The following DAB1 variants were observed in gnomAD, a reference collection of about 807,000 sequenced individuals.
DAB1 encodes DAB adaptor protein 1.
DAB1 carries 15 observed loss-of-function variants against 64.6 expected under a neutral mutation model. That is an observed-to-expected ratio of 0.23 (90% CI 0.16 to 0.36). The LOEUF (loss-of-function observed/expected upper bound fraction) is 0.36. Ranked by LOEUF, DAB1 falls within the 10% of genes least tolerant of loss-of-function variation. The probability of loss-of-function intolerance (pLI) is 1.00; values close to 1 mark genes in which losing one functional copy is unlikely to be tolerated. For synonymous variants in DAB1, 235 were observed against 251.9 expected (o/e 0.93, Z 0.64); for missense variants, 596 against 706.7 (o/e 0.84, Z 1.78).
chr1:58,329,203 T>C (rs760627407), intron 4 of DAB1, among the ~76,000 whole-genome samples: 1 of 152,240 alleles, frequency 6.6e-6, no homozygotes, highest in Non-Finnish European at 1.5e-5. Flanking sequence ...ATCTCAACAC[T>C]ACTAATAACC....
chr1:57,498,106 C>T (rs1644250468), intron 7 of DAB1, among the ~76,000 whole-genome samples: 1 of 152,168 alleles, frequency 6.6e-6, no homozygotes, highest in African/African-American at 2.4e-5. Flanking sequence ...TCAAGTATAA[C>T]TCAGATTCTT....
intron 4 of DAB1, among the ~76,000 whole-genome samples, chr1:58,297,382 TGCCCTCGAAGA>T (rs571146311): frequency 2.0e-5 from 3 of 152,204 alleles, no homozygotes; most frequent in Non-Finnish European, 4.4e-5. Flanking sequence ...AAATATCCCC[TGCCCTCGAAGA>T]GCCCATGGTC....
intron 9 of DAB1, among the ~76,000 whole-genome samples, chr1:57,055,981 TCATTTAGTCTTTACA>T (rs1393131644): frequency 1.3e-5 from 2 of 152,180 alleles, no homozygotes; most frequent in African/African-American, 2.4e-5. Context: ...ATACTTTAGC[TCATTTAGTCTTTACA>T]CATTTAGTCT....
intron 1 of DAB1, chr1:58,541,614 C>CAAAAAAAAAAAAAAACAAAAAA (rs1646617391): frequency 1.5e-5 from 1 of 65,622 alleles, no homozygotes; most frequent in Admixed American, 2.3e-4. Flanking sequence ...GAGAACCTGT[C>CAAAAAAAAAAAAAAACAAAAAA]AAAAAAAAAA....
At chr1:57,521,219 C>T (rs1041743776) in intron 7 of DAB1, among the ~76,000 whole-genome samples, 6 of 152,144 alleles carry the variant, frequency 3.9e-5, no homozygotes, top group Admixed American at 1.3e-4. Flanking sequence ...TTTCAGTTCT[C>T]GAAATGTCTA....
chr1:57,504,207 G>A (rs1317206204), intron 7 of DAB1, among the ~76,000 whole-genome samples: 1 of 151,454 alleles, frequency 6.6e-6, no homozygotes, highest in Non-Finnish European at 1.5e-5. Flanking sequence ...TGTCCTTAAA[G>A]TAAAGGGAAA....
chr1:58,103,484 G>A (rs1313403383), intron 5 of DAB1, among the ~76,000 whole-genome samples: 2 of 152,060 alleles, frequency 1.3e-5, no homozygotes, highest in Non-Finnish European at 2.9e-5. Context: ...GAAGTCTACT[G>A]AAAACAAAAT....
At chr1:58,334,651 C>CATATT (rs1400185530) in intron 4 of DAB1, among the ~76,000 whole-genome samples, 118 of 125,742 alleles carry the variant, frequency 9.4e-4, no homozygotes, top group African/African-American at 2.9e-3. Flanking sequence ...CATATCATAT[C>CATATT]ATATTATATT....
At chr1:57,089,981 G>A (rs932302877) in intron 4 of DAB1, among the ~76,000 whole-genome samples, 8 of 152,134 alleles carry the variant, frequency 5.3e-5, no homozygotes, top group African/African-American at 1.7e-4. Flanking sequence ...TGACACAGCC[G>A]ACACCCAGCA....
chr1:57,311,522 C>CCA (rs3042913), intron 1 of DAB1, among the ~76,000 whole-genome samples: 2,502 of 150,024 alleles, frequency 0.017, 67 homozygotes, highest in African/African-American at 0.052. Flanking sequence ...CTGCCAACCA[C>CCA]CACACACACA....
intron 7 of DAB1, among the ~76,000 whole-genome samples, chr1:57,635,488 G>A (rs1473990761): frequency 6.6e-6 from 1 of 152,062 alleles, no homozygotes; most frequent in African/African-American, 2.4e-5. Context: ...TGTGAATTGA[G>A]CATGCCAGGG....
Position 57,695,372 on chromosome 1 carries a change from GA to G in DAB1, n.552-45708del, listed in dbSNP as rs1199531919. On this transcript the variant is annotated intron_variant and non_coding_transcript_variant, in intron 6 of 20. Transcript: ENST00000485760. ...AGAAAGAAAAGAAAGAAGAAAGAAA[GA>G]AAGAAAGAAAGAAAGAAAGAAAGAA... Among the ~76,000 whole-genome samples, 415 of 53,560 alleles carry G rather than the reference GA, an allele frequency of 7.7e-3. 4 individuals carry two copies. Among genetic ancestry groups the G allele is most frequent in the African/African-American group, 0.012 (136 of 11,002 alleles). The allele number at this position is 53,560 out of a possible 152,430, so 35.1% of individuals were successfully genotyped here.
intron 7 of DAB1, among the ~76,000 whole-genome samples, chr1:57,461,440 C>A (rs989564928): frequency 4.6e-5 from 7 of 152,218 alleles, no homozygotes; most frequent in Non-Finnish European, 8.8e-5. Flanking sequence ...CTCAGATGTT[C>A]TGACATGGCA....
intron 4 of DAB1, among the ~76,000 whole-genome samples, chr1:57,076,709 T>C (rs1189036705): frequency 1.3e-5 from 2 of 152,248 alleles, no homozygotes; most frequent in Non-Finnish European, 1.5e-5. Context: ...AGTGTACCTA[T>C]GACGGAAGGC....
At chr1:57,210,829 G>T (rs1665942653) in intron 2 of DAB1, among the ~76,000 whole-genome samples, 1 of 152,196 alleles carries the variant, frequency 6.6e-6, no homozygotes. Flanking sequence ...GGGGCCAGAT[G>T]AAATAGTTTT....
chr1:57,209,554 C>T lies in DAB1; in HGVS notation c.68-64125G>A, dbSNP rs924349385. On this transcript the variant is annotated intron_variant, in intron 2 of 14. Coordinates refer to ENST00000371236, the MANE Select transcript of DAB1 (RefSeq NM_001365792.1). ...TGGCCAGCTTCAATTCTACTCCACACCTTTGTTTTTCAAGGTAAGAGGACC... is the reference window on the plus strand; with the variant it reads ...TGGCCAGCTTCAATTCTACTCCACATCTTTGTTTTTCAAGGTAAGAGGACC... Among the ~76,000 whole-genome samples, 5 of 152,166 alleles carry T rather than the reference C, an allele frequency of 3.3e-5. No individual in the cohort carries two copies. The East Asian group carries it at 9.6e-4, about 29-fold the overall frequency.
chr1:58,063,316 A>G (rs1037260144), intron 5 of DAB1, among the ~76,000 whole-genome samples: 1 of 152,204 alleles, frequency 6.6e-6, no homozygotes, highest in African/African-American at 2.4e-5. Context: ...CAAGAAAAAA[A>G]ATGACACCTT....
At chr1:58,048,477 C>G (rs1016053492) in intron 5 of DAB1, 156 of 1,270,584 alleles carry the variant, frequency 1.2e-4, no homozygotes, top group Non-Finnish European at 1.7e-4. Context: ...TTTCCATAAC[C>G]CTGTCCACCA....
chr1:57,023,449 T>G (rs1646684307), intron 11 of DAB1, 82 bp downstream of exon 11: 1 of 793,670 alleles, frequency 1.3e-6, no homozygotes, highest in Non-Finnish European at 2.2e-6. Context: ...TTTATCATCA[T>G]TCGGTGGCTG....
Sources: gnomAD v4.1 joint callset for allele counts (sites outside exome capture counted in the v4.1 genomes callset) on GRCh38, gnomAD v4.1.1 for gene constraint, MANE v1.5 for transcripts, NCBI Gene and HGNC (gene_info 2026-07-23, HGNC 2026-07-21) for gene names.